The following CHMP5 variants were observed in gnomAD, a reference collection of about 807,000 sequenced individuals.
CHMP5 encodes the protein charged multivesicular body protein 5.
In CHMP5, 17 loss-of-function variants were observed where a neutral mutation model predicts 33.0. The observed-to-expected ratio is 0.52, with a 90% confidence interval of 0.35 to 0.77. CHMP5 has a LOEUF of 0.77. CHMP5 is among the 30% of genes least tolerant of loss of function. CHMP5 has a pLI of 0.01. For synonymous variants in CHMP5, 76 were observed against 90.2 expected (o/e 0.84, Z 0.89); for missense variants, 216 against 261.5 (o/e 0.83, Z 1.20).
intron 4 of CHMP5, 60 bp downstream of exon 4, chr9:33,270,776 T>C: frequency 7.1e-7 from 1 of 1,411,078 alleles, no homozygotes; most frequent in Admixed American, 1.7e-5. Flanking sequence ...TCTTTTCCGA[T>C]GGCTTTTTAA....
chr9:33,271,982 A>C lies in CHMP5; in HGVS notation c.387+759A>C, dbSNP rs1820799579. Among the ~76,000 whole-genome samples, 4 of 151,922 alleles carry C rather than the reference A, an allele frequency of 2.6e-5. No individual in the cohort carries two copies. In the South Asian group the frequency reaches 8.3e-4, roughly 32 times the overall value. Reference sequence around the variant, plus strand: ...AAGTGTATGTAAAATGTTTAACCCAACTCCTGGCGTGGTAGACTTGGTTCC... The same window carrying C: ...AAGTGTATGTAAAATGTTTAACCCACCTCCTGGCGTGGTAGACTTGGTTCC... On this transcript the variant is annotated intron_variant, in intron 5 of 7. Coordinates refer to ENST00000223500, the MANE Select transcript of CHMP5 (RefSeq NM_016410.6).
In CHMP5 at chr9:33,281,090, A is replaced by G. The variant is rs1441850899; in HGVS notation, c.*231A>G. 1 of 434,770 alleles carries G rather than the reference A, an allele frequency of 2.3e-6. No homozygotes were observed. Among genetic ancestry groups the G allele is most frequent in the Non-Finnish European group, 4.0e-6 (1 of 247,164 alleles). 26.9% of individuals were successfully genotyped at this position (434,770 alleles called of 1,614,324 possible). On this transcript the variant is annotated 3_prime_UTR_variant, in exon 8 of 8. Coordinates refer to ENST00000223500, the MANE Select transcript of CHMP5 (RefSeq NM_016410.6). ...TCTTATGAAAAACGAACTCAGTTTA[A>G]AAGTATTTTTAGCTCGTATGACTTG...
chr9:33,267,066 G>A (rs1432393301), intron 2 of CHMP5, among the ~76,000 whole-genome samples: 1 of 152,180 alleles, frequency 6.6e-6, no homozygotes, highest in Non-Finnish European at 1.5e-5. Flanking sequence ...ATTAAATGAG[G>A]TAATTGATGT....
At position 33,267,878 on chromosome 9, in the gene CHMP5, G is replaced by A. The variant is rs1284002142; in HGVS notation, c.200G>A (p.Arg67Gln). The change falls in exon 3 of 8, where the codon CGA becomes CAA. Residue 67 changes from arginine (R) to glutamine (Q), a missense_variant. Coordinates refer to ENST00000223500, the MANE Select transcript of CHMP5 (RefSeq NM_016410.6). The part of the protein sequence containing the change: ...AKNMVKQKAL[R>Q]VLKQKRMYEQ... ...AATATGGTCAAGCAGAAAGCCTTGC[G>A]AGTTTTAAAGCAAAAGAGGATGTAA... 5.6e-6 allele frequency: 9 copies of A among 1,611,336 alleles called. No homozygotes were observed. The highest frequency in any genetic ancestry group is 2.2e-5 in the East Asian group (1 of 44,822).
chr9:33,277,190 CAAAAAAAAA>C lies in CHMP5; in HGVS notation c.496+642_496+650del, dbSNP rs59657807. 5.6e-5 allele frequency among the ~76,000 whole-genome samples: 3 copies of C among 53,378 alleles called. No homozygotes were observed. In the East Asian group the frequency reaches 1.6e-3, roughly 28 times the overall value. The allele number at this position is 53,378 out of a possible 152,430, so 35.0% of individuals were successfully genotyped here. A position where few individuals can be genotyped will look rare whatever the true frequency, so the allele number is the denominator to read the frequency against. ...TGGGCAACAGAGTGAGACCTTCTCT[CAAAAAAAAA>C]AAAAAAAAAAAAAAAGAATAGTTGG... On this transcript the variant is annotated intron_variant, in intron 6 of 7. Transcript: ENST00000223500.
rs908921013 is a variant in CHMP5, at chr9:33,281,202, T to C, written c.*343T>C. 4 of 196,078 alleles carry C rather than the reference T, an allele frequency of 2.0e-5. No homozygotes were observed. The highest frequency in any genetic ancestry group is 4.7e-5 in the African/African-American group (2 of 42,862). 12.1% of individuals were successfully genotyped at this position (196,078 alleles called of 1,614,324 possible). On this transcript the variant is annotated 3_prime_UTR_variant, in exon 8 of 8. Coordinates refer to ENST00000223500, the MANE Select transcript of CHMP5 (RefSeq NM_016410.6). ...ACAGTGTAACTCTACAGTCTCAAAA[T>C]GACCTGATAAATTGATAAGACAAAG...
At chr9:33,272,838 T>A (rs972397335) in intron 5 of CHMP5, among the ~76,000 whole-genome samples, 19 of 152,262 alleles carry the variant, frequency 1.2e-4, no homozygotes, top group African/African-American at 4.3e-4. Context: ...CTCCCCTCTC[T>A]TATTTTTTCA....
In CHMP5 at chr9:33,280,807, A is replaced by G. The variant is rs865967317; in HGVS notation, c.610-2A>G. 1 of 1,608,374 alleles carries G rather than the reference A, an allele frequency of 6.2e-7. No homozygotes were observed. Among genetic ancestry groups the G allele is most frequent in the Non-Finnish European group, 8.5e-7 (1 of 1,177,792 alleles). ...GCACTAAACATTGCTTCCTTTTTAC[A>G]GGATGGAGTTCTGGTGGATGAATTT... On this transcript the variant is annotated splice_acceptor_variant, in intron 7 of 7. Coordinates refer to ENST00000223500, the MANE Select transcript of CHMP5 (RefSeq NM_016410.6). LOFTEE classifies it high-confidence loss of function.
chr9:33,265,234 A>G, intron 1 of CHMP5, 87 bp downstream of exon 1: 1 of 1,248,460 alleles, frequency 8.0e-7, no homozygotes, highest in South Asian at 1.2e-5. Context: ...ATATTCTTCC[A>G]CTTCATTTCG....
chr9:33,271,158 G>A lies in CHMP5; in HGVS notation c.322G>A (p.Ala108Thr). 6.2e-7 allele frequency: 1 copy of A among 1,611,810 alleles called. No homozygotes were observed. The highest frequency in any genetic ancestry group is 8.5e-7 in the Non-Finnish European group (1 of 1,177,866). ...TTCTTCTTCCTTTTCTTAGGTTGAT[G>A]CTATGAAACTGGGAGTAAAGGAAAT... ...SLKDTKTTVD[A>T]MKLGVKEMKK... The change falls in exon 5 of 8, where the codon GCT (alanine) becomes ACT (threonine). Residue 108 changes from alanine (A) to threonine (T), a missense_variant. Transcript: ENST00000223500.
intron 5 of CHMP5, among the ~76,000 whole-genome samples, chr9:33,275,763 A>T (rs895667291): frequency 1.1e-4 from 17 of 152,188 alleles, no homozygotes. Context: ...TAATCCCAGC[A>T]CTTTGGGAGG....
intron 7 of CHMP5, among the ~76,000 whole-genome samples, chr9:33,279,504 T>G (rs1820895929): frequency 6.6e-6 from 1 of 152,046 alleles, no homozygotes. Flanking sequence ...TTGCTTTTTC[T>G]CAGCAACCCA....
rs1427524559 is a variant in CHMP5 at position 33,281,167 on chromosome 9, A to T, written c.*308A>T. On this transcript the variant is annotated 3_prime_UTR_variant, in exon 8 of 8. Coordinates refer to ENST00000223500, the MANE Select transcript of CHMP5 (RefSeq NM_016410.6). ...ATAAAACTAAGGAAATGGAATCTTA[A>T]AAGTCTATGACAGTGTAACTCTACA... 3.6e-6 allele frequency: 1 copy of T among 279,978 alleles called. No homozygotes were observed. Among genetic ancestry groups the T allele is most frequent in the African/African-American group, 2.2e-5 (1 of 45,060 alleles). 17.3% of individuals were successfully genotyped at this position (279,978 alleles called of 1,614,324 possible). A position where few individuals can be genotyped will look rare whatever the true frequency, so the allele number is the denominator to read the frequency against.
rs1226036893 is a variant in CHMP5 at position 33,268,913 on chromosome 9, T to C, written c.221+1014T>C. Among the ~76,000 whole-genome samples the C allele has an allele frequency of 1.6e-4, 25 of 152,220 alleles. 1 individual carries two copies. The highest frequency in any genetic ancestry group is 1.6e-3 in the Admixed American group (24 of 15,284). ...AAGAAATGAAATTGTAGTGTGTATATGTAGGTTTTCCTTTTCCACTTAATG... is the reference window on the plus strand; with the variant it reads ...AAGAAATGAAATTGTAGTGTGTATACGTAGGTTTTCCTTTTCCACTTAATG... On this transcript the variant is annotated intron_variant, in intron 3 of 7. Transcript: ENST00000223500.
chr9:33,274,763 A>G (rs1268464846), intron 5 of CHMP5, among the ~76,000 whole-genome samples: 2 of 152,054 alleles, frequency 1.3e-5, no homozygotes, highest in Non-Finnish European at 2.9e-5. Context: ...TTACAGGCGC[A>G]TGCCACCATG....
At chr9:33,271,087 T>A in intron 4 of CHMP5, 65 bp from the exon 5 acceptor site, 2 of 1,261,148 alleles carry the variant, frequency 1.6e-6, no homozygotes, top group Non-Finnish European at 2.3e-6. Context: ...AATAAATAAA[T>A]AAATAAAGAC....
At chr9:33,275,134 C>T (rs889161733) in intron 5 of CHMP5, among the ~76,000 whole-genome samples, 7 of 152,084 alleles carry the variant, frequency 4.6e-5, no homozygotes, top group African/African-American at 1.4e-4. Context: ...TTGAACTGCA[C>T]GAGTCACTTA....
At chr9:33,267,003 C>A (rs1820735392) in intron 2 of CHMP5, among the ~76,000 whole-genome samples, 2 of 152,170 alleles carry the variant, frequency 1.3e-5, no homozygotes, top group Admixed American at 1.3e-4. Context: ...TATCACTGAA[C>A]CTCTCTTTCC....
chr9:33,274,434 T>C (rs929438261), intron 5 of CHMP5, among the ~76,000 whole-genome samples: 6 of 152,192 alleles, frequency 3.9e-5, no homozygotes, highest in Non-Finnish European at 8.8e-5. Flanking sequence ...GCTGATTTGG[T>C]CCTTTTGCTT....
Sources: allele counts gnomAD v4.1 joint callset (sites outside exome capture counted in the v4.1 genomes callset), GRCh38; gene constraint gnomAD v4.1.1; transcripts MANE v1.5; gene names NCBI Gene and HGNC (gene_info 2026-07-23, HGNC 2026-07-21).